B9D2: variants seen among roughly 807,000 people sequenced by gnomAD.
B9D2 encodes the protein B9 domain-containing protein 2.
Under a neutral mutation model 19.2 loss-of-function variants are expected in B9D2, and 21 were observed. The observed-to-expected ratio is 1.09, with a 90% confidence interval of 0.78 to 1.58. The LOEUF (loss-of-function observed/expected upper bound fraction) is 1.58, where lower values mean the gene tolerates loss of function less well. Among genes scored for constraint, B9D2 ranks in the 40% most tolerant of loss-of-function variants. The probability of loss-of-function intolerance (pLI) is 0.00; values close to 1 mark genes in which losing one functional copy is unlikely to be tolerated. For synonymous variants in B9D2, 91 were observed against 100.6 expected (o/e 0.90, Z 0.57); for missense variants, 221 against 244.3 (o/e 0.90, Z 0.64).
intron 2 of B9D2, chr19:41,361,036 C>T (rs975989842): frequency 1.3e-5 from 2 of 152,210 alleles, no homozygotes; most frequent in Non-Finnish European, 1.5e-5. Context: ...TTATTCAGCA[C>T]CTGCTATGTG....
intron 2 of B9D2, among the ~76,000 whole-genome samples, chr19:41,362,017 T>A (rs1234384647): frequency 1.1e-5 from 1 of 93,454 alleles, no homozygotes; most frequent in Non-Finnish European, 2.2e-5. Context: ...GAGGCAGAGA[T>A]TGCAGTGAGC....
chr19:41,358,343 A>G (rs1470441285), intron 2 of B9D2, among the ~76,000 whole-genome samples: 2 of 152,110 alleles, frequency 1.3e-5, no homozygotes, highest in Non-Finnish European at 2.9e-5. Context: ...AGGAATTTCT[A>G]TCTCACAGTT....
chr19:41,362,371 CAAAAAAAA>C (rs777325237), intron 2 of B9D2, among the ~76,000 whole-genome samples: 1 of 58,382 alleles, frequency 1.7e-5, no homozygotes, highest in Non-Finnish European at 3.0e-5. Flanking sequence ...GAACGAGTCT[CAAAAAAAA>C]AAAAAAAAAA....
At position 41,359,251 on chromosome 19, in the gene B9D2, C is replaced by T. The variant is rs61414323; in HGVS notation, c.89-1229G>A. Among the ~76,000 whole-genome samples the T allele has an allele frequency of 7.0e-3, 1,067 of 151,612 alleles. 8 individuals are homozygous for T. Among genetic ancestry groups the T allele is most frequent in the African/African-American group, 0.023 (934 of 41,298 alleles). ...TTTGAGACCAGCCCGGCCAACATGGCGAAATCCCATCTCTACTAAAAATAC... is the reference window on the plus strand; with the variant it reads ...TTTGAGACCAGCCCGGCCAACATGGTGAAATCCCATCTCTACTAAAAATAC... On this transcript the variant is annotated intron_variant, in intron 2 of 3. Transcript: ENST00000243578.
rs886054453 is a variant in B9D2, at chr19:41,354,500, A to C, written c.*200T>G. On this transcript the variant is annotated 3_prime_UTR_variant, in exon 4 of 4. Coordinates refer to ENST00000243578, the MANE Select transcript of B9D2 (RefSeq NM_030578.4). ...CACTCAACACCCTGCGACCCCATAC[A>C]TTTACTGTCCCCAATTTACAGATAG... The C allele has an allele frequency of 1.4e-6, 1 of 697,912 alleles. No individual in the cohort carries two copies. The highest frequency in any genetic ancestry group is 2.5e-6 in the Non-Finnish European group (1 of 406,022). 43.2% of individuals were successfully genotyped at this position (697,912 alleles called of 1,614,324 possible).
rs375393122 is a variant in B9D2 at position 41,355,148 on chromosome 19, A to G, written c.215-135T>C. On this transcript the variant is annotated intron_variant, in intron 3 of 3. Coordinates refer to ENST00000243578, the MANE Select transcript of B9D2 (RefSeq NM_030578.4). ...CTGGGTTTCTGTCCCAGAGTTTCCAACCCAGCCTCCTTTCTAGGCTCCCAC... is the reference window on the plus strand; with the variant it reads ...CTGGGTTTCTGTCCCAGAGTTTCCAGCCCAGCCTCCTTTCTAGGCTCCCAC... 3.0e-5 allele frequency: 28 copies of G among 925,286 alleles called. No individual in the cohort carries two copies. The African/African-American group carries it at 4.5e-4, about 15-fold the overall frequency. The allele number at this position is 925,286 out of a possible 1,614,324, so 57.3% of individuals were successfully genotyped here.
intron 2 of B9D2, among the ~76,000 whole-genome samples, chr19:41,360,387 G>A (rs1008794808): frequency 6.6e-6 from 1 of 152,138 alleles, no homozygotes; most frequent in Non-Finnish European, 1.5e-5. Context: ...ATGTTGCCCA[G>A]GCTGGTCTCA....
chr19:41,361,517 G>A (rs1221712879), intron 2 of B9D2, among the ~76,000 whole-genome samples: 1 of 152,072 alleles, frequency 6.6e-6, no homozygotes, highest in Non-Finnish European at 1.5e-5. Flanking sequence ...GCCAGGCGCA[G>A]TGGCTCACAC....
intron 2 of B9D2, among the ~76,000 whole-genome samples, chr19:41,359,776 T>C (rs2038375026): frequency 6.6e-6 from 1 of 152,160 alleles, no homozygotes; most frequent in Admixed American, 6.5e-5. Flanking sequence ...CTAAGTACTT[T>C]AAGCATCCAT....
chr19:41,357,800 G>A, intron 3 of B9D2, 97 bp downstream of exon 3: 13 of 1,548,888 alleles, frequency 8.4e-6, no homozygotes, highest in East Asian at 2.3e-5. Context: ...GTGGTATGGG[G>A]AGCAGGGACA....
chr19:41,360,774 G>C (rs2038392738), intron 2 of B9D2, among the ~76,000 whole-genome samples: 1 of 152,188 alleles, frequency 6.6e-6, no homozygotes, highest in Non-Finnish European at 1.5e-5. Context: ...CTCCCAAAGT[G>C]CTGGGATTAC....
At position 41,354,980 on chromosome 19, in the gene B9D2, T is replaced by C; in HGVS notation, c.248A>G (p.Gln83Arg). ...AAGCTGGCAGCGGCCAAAGCTGTCC[T>C]GGGACCACACCTGGAAATGGAGCCG... is the stretch of plus-strand genomic sequence containing the variant. ...WPRLHFQVWS[Q>R]DSFGRCQLAG... The change falls in exon 4 of 4, where the codon CAG (glutamine) becomes CGG (arginine). Residue 83 changes from glutamine (Q) to arginine (R), a missense_variant. Physicochemically the swap from Gln to Arg is conservative, Grantham distance 43. Coordinates refer to ENST00000243578, the MANE Select transcript of B9D2 (RefSeq NM_030578.4). The C allele has an allele frequency of 6.2e-7, 1 of 1,607,566 alleles. No individual in the cohort carries two copies. The highest frequency in any genetic ancestry group is 1.3e-5 in the African/African-American group (1 of 74,860).
intron 2 of B9D2, chr19:41,363,222 G>A (rs1746080376): frequency 9.8e-6 from 6 of 612,612 alleles, no homozygotes; most frequent in Non-Finnish European, 1.8e-5. Flanking sequence ...CTCCAGCCCG[G>A]GCGCAGAGAG....
intron 3 of B9D2, among the ~76,000 whole-genome samples, chr19:41,355,261 T>A (rs1332158358): frequency 6.6e-6 from 1 of 152,178 alleles, no homozygotes; most frequent in East Asian, 1.9e-4. Flanking sequence ...AGCTCCCCAG[T>A]GCCCTCAGTA....
intron 3 of B9D2, among the ~76,000 whole-genome samples, chr19:41,357,072 C>T (rs1400233434): frequency 1.3e-5 from 2 of 152,192 alleles, no homozygotes; most frequent in Non-Finnish European, 2.9e-5. Flanking sequence ...CTAGAACCTT[C>T]TTCTATCCCT....
rs563383867 is a variant in B9D2 at position 41,364,123 on chromosome 19, C to G, written c.-170G>C. 1 of 164,596 alleles carries G rather than the reference C, an allele frequency of 6.1e-6. No individual in the cohort carries two copies. The highest frequency in any genetic ancestry group is 2.4e-5 in the African/African-American group (1 of 41,690). 10.2% of individuals were successfully genotyped at this position (164,596 alleles called of 1,614,324 possible). The stretch of plus-strand genomic sequence containing the variant: ...AAGCCGCGATACTTCCGCGACCGCG[C>G]TCGTCTTGGTTTCCGTGGTTGTTGC... On this transcript the variant is annotated 5_prime_UTR_variant, in exon 1 of 4. Transcript: ENST00000243578.
chr19:41,357,782 G>A, intron 3 of B9D2, 115 bp downstream of exon 3: 1 of 1,477,612 alleles, frequency 6.8e-7, no homozygotes, highest in Non-Finnish European at 9.4e-7. Context: ...GCTGCAAAAG[G>A]GACCTACGTG....
intron 2 of B9D2, among the ~76,000 whole-genome samples, chr19:41,359,841 G>C (rs1236862265): frequency 6.6e-6 from 1 of 150,944 alleles, no homozygotes; most frequent in Non-Finnish European, 1.5e-5. Context: ...CCAGTTTACA[G>C]ACCCTCCACC....
intron 2 of B9D2, among the ~76,000 whole-genome samples, chr19:41,359,589 G>C (rs898965111): frequency 6.6e-6 from 1 of 151,986 alleles, no homozygotes; most frequent in African/African-American, 2.4e-5. Context: ...CATAGTCCCA[G>C]CTACTCAGGA....
Sources: gnomAD v4.1 joint callset for allele counts (sites outside exome capture counted in the v4.1 genomes callset) on GRCh38, gnomAD v4.1.1 for gene constraint, MANE v1.5 for transcripts, NCBI Gene and HGNC (gene_info 2026-07-23, HGNC 2026-07-21) for gene names.